ABLIM1: variants seen among roughly 807,000 people sequenced by gnomAD.
The protein encoded by ABLIM1 is actin-binding LIM protein 1.
Under a neutral mutation model 107.0 loss-of-function variants are expected in ABLIM1, and 40 were observed. The ratio of observed to expected loss-of-function variants is 0.37; its 90% confidence interval spans 0.29 to 0.49. The LOEUF (loss-of-function observed/expected upper bound fraction) is 0.49. Ranked by LOEUF, ABLIM1 falls within the 20% of genes least tolerant of loss-of-function variation. The pLI, the probability that ABLIM1 is intolerant of heterozygous loss-of-function variation, is 0.97. For synonymous variants in ABLIM1, 357 were observed against 357.3 expected (o/e 1.00, Z 0.01); for missense variants, 857 against 1,008.5 (o/e 0.85, Z 2.04).
At chr10:114,597,513 G>A (rs1316899995) in intron 2 of ABLIM1, among the ~76,000 whole-genome samples, 1 of 150,616 alleles carries the variant, frequency 6.6e-6, no homozygotes, top group Non-Finnish European at 1.5e-5. Context: ...GGAAGGGAAG[G>A]GAAAGGAAGG....
chr10:114,530,407 A>G (rs923958759), intron 6 of ABLIM1, among the ~76,000 whole-genome samples: 2 of 152,238 alleles, frequency 1.3e-5, no homozygotes, highest in Middle Eastern at 3.2e-3. Context: ...AGTTAAACAG[A>G]CAGCACAAAT....
intron 1 of ABLIM1, among the ~76,000 whole-genome samples, chr10:114,637,834 T>C (rs2078556670): frequency 6.6e-6 from 1 of 152,200 alleles, no homozygotes; most frequent in Admixed American, 6.5e-5. Context: ...ACAAAAATAG[T>C]TCTCTGAATT....
chr10:114,798,556 A>T, the ABLIM1 span, among the ~76,000 whole-genome samples: 1 of 125,996 alleles, frequency 7.9e-6, no homozygotes, highest in Non-Finnish European at 1.6e-5. Flanking sequence ...AGATGATGAG[A>T]CCCCCCCCCC....
At chr10:114,790,572 T>C in the ABLIM1 span, among the ~76,000 whole-genome samples, 1 of 152,338 alleles carries the variant, frequency 6.6e-6, no homozygotes. Flanking sequence ...TTCAACATGG[T>C]AACAGAACAG....
intron 1 of ABLIM1, among the ~76,000 whole-genome samples, chr10:114,676,455 G>A (rs1156322770): frequency 1.3e-5 from 2 of 151,466 alleles, no homozygotes; most frequent in African/African-American, 2.4e-5. Flanking sequence ...CCAGCCTGGC[G>A]ACAGAGCTAG....
At chr10:114,706,560 G>A (rs1244264638) in intron 1 of ABLIM1, among the ~76,000 whole-genome samples, 5 of 152,138 alleles carry the variant, frequency 3.3e-5, no homozygotes, top group African/African-American at 1.2e-4. Flanking sequence ...CCCTGGAGGC[G>A]GATGCCAGGT....
intron 6 of ABLIM1, among the ~76,000 whole-genome samples, chr10:114,533,059 G>A (rs1297420931): frequency 6.6e-6 from 1 of 152,140 alleles, no homozygotes; most frequent in African/African-American, 2.4e-5. Flanking sequence ...TTTTAAACTG[G>A]CCAGGTGCAG....
At chr10:114,583,464 CACACATAT>C (rs1566009670) in intron 2 of ABLIM1, among the ~76,000 whole-genome samples, 2 of 8,338 alleles carry the variant, frequency 2.4e-4, no homozygotes, top group Non-Finnish European at 4.5e-4. Context: ...CACACACACA[CACACATAT>C]ATATATATAT....
chr10:114,574,134 C>T (rs141352692), intron 3 of ABLIM1, among the ~76,000 whole-genome samples: 113 of 152,298 alleles, frequency 7.4e-4, no homozygotes, highest in African/African-American at 2.6e-3. Flanking sequence ...GAGCTTACAT[C>T]TCTCTGGCTT....
At chr10:114,799,399 G>A in the ABLIM1 span, among the ~76,000 whole-genome samples, 1 of 152,128 alleles carries the variant, frequency 6.6e-6, no homozygotes, top group African/African-American at 2.4e-5. Flanking sequence ...ATGAGCCCTA[G>A]GCTGGTATAT....
Position 114,565,769 on chromosome 10 carries a change from G to A in ABLIM1, c.673+5528C>T, listed in dbSNP as rs74918073. Among the ~76,000 whole-genome samples the A allele has an allele frequency of 8.3e-3, 1,209 of 144,996 alleles. 13 individuals carry two copies. Among genetic ancestry groups the A allele is most frequent in the African/African-American group, 0.029 (1,150 of 39,402 alleles). ...TCCCCTTTGGAAACATGCACGCGAT[G>A]CTTTATCTGAAATGATTTCTTTTTT... On this transcript the variant is annotated intron_variant, in intron 4 of 22. Coordinates refer to ENST00000533213, the MANE Select transcript of ABLIM1 (RefSeq NM_002313.7).
At position 114,433,104 on chromosome 10, in the gene ABLIM1, G is replaced by T. The variant is rs923231658; in HGVS notation, c.*3156C>A. ...CTTAAGAGTCCCAAGGAAGTCAAAT[G>T]TTCCCAAATGTAGCCCTTTACATCG... On this transcript the variant is annotated 3_prime_UTR_variant, in exon 23 of 23. Transcript: ENST00000533213. 6.6e-6 allele frequency: 1 copy of T among 152,198 alleles called. No homozygotes were observed. Among genetic ancestry groups the T allele is most frequent in the Non-Finnish European group, 1.5e-5 (1 of 68,042 alleles). 9.4% of individuals were successfully genotyped at this position (152,198 alleles called of 1,614,324 possible). A position where few individuals can be genotyped will look rare whatever the true frequency, so the allele number is the denominator to read the frequency against.
chr10:114,657,115 ATCTTAAC>A (rs1195990799), intron 1 of ABLIM1, among the ~76,000 whole-genome samples: 1 of 152,264 alleles, frequency 6.6e-6, no homozygotes, highest in Non-Finnish European at 1.5e-5. Flanking sequence ...AAAACAGAAC[ATCTTAAC>A]TCCAGTACTT....
intron 1 of ABLIM1, among the ~76,000 whole-genome samples, chr10:114,673,999 G>C (rs1345850841): frequency 1.3e-5 from 2 of 152,060 alleles, no homozygotes; most frequent in Non-Finnish European, 2.9e-5. Context: ...GTTTAAGAGG[G>C]ACCATCTGGT....
chr10:114,526,524 T>G, intron 6 of ABLIM1: 1 of 558,724 alleles, frequency 1.8e-6, no homozygotes, highest in Non-Finnish European at 2.3e-6. Context: ...GCAATAAAAG[T>G]GACTTCTGTC....
At position 114,748,647 on chromosome 10, in the gene ABLIM1, GT is replaced by G. The variant is rs869107304; in HGVS notation, c.-213+19413del. Reference sequence around the variant, plus strand: ...ATACCATGCAAGGACAGCAACAGAAGTTTTTTTTTTTCTTTTTTTTTTTTTT... The same window carrying G: ...ATACCATGCAAGGACAGCAACAGAAGTTTTTTTTTTCTTTTTTTTTTTTTT... On this transcript the variant is annotated intron_variant, in intron 1 of 15. Coordinates refer to the ABLIM1 transcript ENST00000651092. 5.5e-3 allele frequency among the ~76,000 whole-genome samples: 774 copies of G among 139,514 alleles called. 13 individuals carry two copies. Among genetic ancestry groups the G allele is most frequent in the East Asian group, 0.035 (165 of 4,780 alleles). The allele number at this position is 139,514 out of a possible 152,430, so 91.5% of individuals were successfully genotyped here.
chr10:114,447,877 T>C lies in ABLIM1; in HGVS notation c.1735+3A>G. The C allele has an allele frequency of 6.2e-7, 1 of 1,614,112 alleles. No individual in the cohort carries two copies. The highest frequency in any genetic ancestry group is 8.5e-7 in the Non-Finnish European group (1 of 1,179,996). ...CTTTGACTTAGCCGTGACAGTTGCATACCTACGACAGCAAATGAGGGGGGA... is the reference window on the plus strand; with the variant it reads ...CTTTGACTTAGCCGTGACAGTTGCACACCTACGACAGCAAATGAGGGGGGA... On this transcript the variant is annotated splice_donor_region_variant and intron_variant, in intron 15 of 22. Coordinates refer to ENST00000533213, the MANE Select transcript of ABLIM1 (RefSeq NM_002313.7).
chr10:114,453,257 T>C, intron 13 of ABLIM1, 122 bp downstream of exon 13: 1 of 1,043,086 alleles, frequency 9.6e-7, no homozygotes, highest in Non-Finnish European at 1.5e-6. Context: ...GATCCTGCAA[T>C]TTAGGGTTTG....
rs946447746 is a variant in ABLIM1 at position 114,473,802 on chromosome 10, T to C, written c.1119+77A>G. On this transcript the variant is annotated intron_variant, in intron 9 of 22. Transcript: ENST00000533213. ...AAATCACTTTGAATCAGTTTTTGTT[T>C]TGGATTACCCATTCTGCTATTACAA... The C allele has an allele frequency of 2.2e-5, 25 of 1,157,902 alleles. No homozygotes were observed. The South Asian group carries it at 3.6e-4, about 17-fold the overall frequency. 71.7% of individuals were successfully genotyped at this position (1,157,902 alleles called of 1,614,324 possible).
Sources: gnomAD v4.1 joint callset for allele counts (sites outside exome capture counted in the v4.1 genomes callset) on GRCh38, gnomAD v4.1.1 for gene constraint, MANE v1.5 for transcripts, NCBI Gene and HGNC (gene_info 2026-07-23, HGNC 2026-07-21) for gene names.